AFG2A: variants seen among roughly 807,000 people sequenced by gnomAD.
AFG2A encodes ATPase family gene 2 protein homolog A.
the AFG2A span, among the ~76,000 whole-genome samples, chr4:123,271,288 T>G: frequency 6.6e-6 from 1 of 152,228 alleles, no homozygotes; most frequent in Non-Finnish European, 1.5e-5. Flanking sequence ...TTTCCCAACT[T>G]TGTAAGAAAA....
At chr4:123,063,096 A>AT in the AFG2A span, among the ~76,000 whole-genome samples, 1 of 152,140 alleles carries the variant, frequency 6.6e-6, no homozygotes, top group African/African-American at 2.4e-5. Context: ...AGTATTGCCT[A>AT]TAAGTGATTG....
chr4:123,201,441 T>C, the AFG2A span, among the ~76,000 whole-genome samples: 1 of 152,194 alleles, frequency 6.6e-6, no homozygotes, highest in African/African-American at 2.4e-5. Context: ...AACAAACTGT[T>C]CTACAAATAT....
At chr4:123,175,498 T>C in the AFG2A span, among the ~76,000 whole-genome samples, 1 of 152,150 alleles carries the variant, frequency 6.6e-6, no homozygotes, top group East Asian at 1.9e-4. Flanking sequence ...AATCAAAATA[T>C]AGGTGAGGAT....
the AFG2A span, among the ~76,000 whole-genome samples, chr4:123,265,768 A>G: frequency 1.3e-5 from 2 of 152,108 alleles, no homozygotes; most frequent in Non-Finnish European, 2.9e-5. Context: ...CAGATAATCT[A>G]GTCCCCAAGG....
the AFG2A span, among the ~76,000 whole-genome samples, chr4:123,003,266 C>T: frequency 1.3e-4 from 20 of 152,288 alleles, no homozygotes; most frequent in South Asian, 4.1e-4. Context: ...TCCTGTAGCT[C>T]GGAGTAGTTT....
the AFG2A span, among the ~76,000 whole-genome samples, chr4:123,229,984 T>C: frequency 6.6e-6 from 1 of 151,660 alleles, no homozygotes; most frequent in Non-Finnish European, 1.5e-5. Flanking sequence ...TGTTTCAGAA[T>C]ACTTTATTGC....
At chr4:123,025,777 A>G in the AFG2A span, among the ~76,000 whole-genome samples, 1 of 152,250 alleles carries the variant, frequency 6.6e-6, no homozygotes, top group East Asian at 1.9e-4. Flanking sequence ...CTTTTTTAAA[A>G]GTTTTTGACC....
the AFG2A span, among the ~76,000 whole-genome samples, chr4:123,085,522 C>G: frequency 6.6e-6 from 1 of 152,090 alleles, no homozygotes; most frequent in African/African-American, 2.4e-5. Flanking sequence ...GCTACTCCAG[C>G]TTTCTTTGGC....
At chr4:123,046,973 A>AATAATAATTGATGG in the AFG2A span, among the ~76,000 whole-genome samples, 3 of 152,114 alleles carry the variant, frequency 2.0e-5, no homozygotes, top group Non-Finnish European at 2.9e-5. Context: ...ACAGGATCTC[A>AATAATAATTGATGG]TTTTTTTAAT....
the AFG2A span, among the ~76,000 whole-genome samples, chr4:123,134,518 A>T: frequency 2.0e-5 from 3 of 149,294 alleles, no homozygotes; most frequent in Non-Finnish European, 4.4e-5. Context: ...TGTTTGTGTG[A>T]TGCTTCCAGC....
At chr4:123,252,980 A>G in the AFG2A span, among the ~76,000 whole-genome samples, 1 of 152,292 alleles carries the variant, frequency 6.6e-6, no homozygotes, top group East Asian at 1.9e-4. Context: ...ATTCCATTAT[A>G]TATTTTGACT....
At chr4:122,954,458 C>T in the AFG2A span, among the ~76,000 whole-genome samples, 1 of 152,228 alleles carries the variant, frequency 6.6e-6, no homozygotes, top group Non-Finnish European at 1.5e-5. Context: ...GTAGAGAGAA[C>T]AGGACCTCTA....
chr4:123,099,715 A>G, the AFG2A span, among the ~76,000 whole-genome samples: 1 of 151,966 alleles, frequency 6.6e-6, no homozygotes, highest in Middle Eastern at 3.4e-3. Context: ...TTTTTAAAAT[A>G]CATTTTCTTC....
At chr4:123,016,023 G>T in the AFG2A span, among the ~76,000 whole-genome samples, 8 of 19,594 alleles carry the variant, frequency 4.1e-4, 4 homozygotes, top group South Asian at 0.016. Context: ...GGGGCGGCTG[G>T]CTGGGCGGGG....
chr4:123,189,372 C>T, the AFG2A span, among the ~76,000 whole-genome samples: 2 of 152,078 alleles, frequency 1.3e-5, no homozygotes, highest in Admixed American at 6.5e-5. Context: ...CCAGAGTCAC[C>T]CCATAACTCA....
the AFG2A span, among the ~76,000 whole-genome samples, chr4:123,085,454 C>G: frequency 6.6e-6 from 1 of 152,044 alleles, no homozygotes; most frequent in African/African-American, 2.4e-5. Context: ...ATATAATACC[C>G]CTTTTGGTCT....
chr4:123,072,471 T>C, the AFG2A span, among the ~76,000 whole-genome samples: 799 of 152,288 alleles, frequency 5.2e-3, 8 homozygotes, highest in African/African-American at 0.018. Flanking sequence ...ACAAATGGTT[T>C]ATCAGAAACA....
chr4:123,022,010 TC>T, the AFG2A span, among the ~76,000 whole-genome samples: 4 of 151,240 alleles, frequency 2.6e-5, no homozygotes, highest in East Asian at 5.8e-4. Flanking sequence ...CTGGATCCCT[TC>T]CTTACGCCTT....
At chr4:123,204,023 A>T in the AFG2A span, among the ~76,000 whole-genome samples, 1 of 152,202 alleles carries the variant, frequency 6.6e-6, no homozygotes. Flanking sequence ...GCAATGTTGC[A>T]TCTCTCTGTG....
Sources: gnomAD v4.1 joint callset for allele counts (sites outside exome capture counted in the v4.1 genomes callset) on GRCh38, gnomAD v4.1.1 for gene constraint, MANE v1.5 for transcripts, NCBI Gene and HGNC (gene_info 2026-07-23, HGNC 2026-07-21) for gene names.